NEAT1: variants seen among roughly 807,000 people sequenced by gnomAD.
NEAT1 encodes the protein MENepsilon/beta.
At chr11:65,423,316 T>G (rs1856519921) in exon 1 of NEAT1, 1 of 152,440 alleles carries the variant, frequency 6.6e-6, no homozygotes, top group African/African-American at 2.4e-5. Flanking sequence ...TGAACCCGCC[T>G]GGGGATGAGG....
exon 1 of NEAT1, chr11:65,427,397 C>T (rs1856571947): frequency 6.6e-6 from 1 of 152,386 alleles, no homozygotes; most frequent in Non-Finnish European, 1.5e-5. Context: ...GGGGGACCAA[C>T]ACAAATGGTG....
exon 1 of NEAT1, chr11:65,428,915 G>C (rs1309287034): frequency 2.0e-5 from 3 of 151,996 alleles, no homozygotes; most frequent in Non-Finnish European, 2.9e-5. Flanking sequence ...AGTAACAATT[G>C]TTATGGGCAC....
chr11:65,432,699 T>A (rs1856623531), exon 1 of NEAT1: 1 of 151,194 alleles, frequency 6.6e-6, no homozygotes, highest in African/African-American at 2.4e-5. Context: ...TTTTTTTTTT[T>A]AATTTCAATG....
exon 1 of NEAT1, chr11:65,442,113 CCA>C (rs1856719955): frequency 6.6e-6 from 1 of 152,010 alleles, no homozygotes; most frequent in Admixed American, 6.6e-5. Context: ...TTGCCTCATT[CCA>C]CAGAGTTTTG....
chr11:65,430,474 A>G (rs1007143072), exon 1 of NEAT1: 2 of 152,212 alleles, frequency 1.3e-5, no homozygotes, highest in Non-Finnish European at 2.9e-5. Context: ...AGGAAGTCCC[A>G]TGGATGGGTT....
exon 1 of NEAT1, chr11:65,436,863 T>A (rs1211674659): frequency 5.3e-5 from 8 of 152,106 alleles, no homozygotes; most frequent in Non-Finnish European, 1.2e-4. Flanking sequence ...GAGAGAAAAG[T>A]TTCCTCAGGA....
exon 1 of NEAT1, chr11:65,434,392 A>T (rs1269131022): frequency 6.6e-6 from 1 of 152,010 alleles, no homozygotes; most frequent in East Asian, 1.9e-4. Context: ...TGTATCTGAA[A>T]AACGTGTTGC....
chr11:65,427,753 C>G (rs1023519133), exon 1 of NEAT1: 1 of 152,206 alleles, frequency 6.6e-6, no homozygotes, highest in Non-Finnish European at 1.5e-5. Flanking sequence ...CTATAACCGC[C>G]TTCTCTTCTT....
exon 1 of NEAT1, chr11:65,430,046 G>C (rs1038052806): frequency 1.3e-5 from 2 of 152,240 alleles, no homozygotes; most frequent in African/African-American, 4.8e-5. Flanking sequence ...GACCTAATAG[G>C]GCACTGGAGC....
exon 1 of NEAT1, chr11:65,441,361 T>C (rs1590676028): frequency 6.6e-6 from 1 of 152,162 alleles, no homozygotes; most frequent in Non-Finnish European, 1.5e-5. Flanking sequence ...GTGGGGTCTT[T>C]CTGTGTTGCC....
chr11:65,437,229 A>G (rs1362948296), exon 1 of NEAT1: 3 of 138,584 alleles, frequency 2.2e-5, no homozygotes, highest in African/African-American at 6.0e-5. Context: ...ATATATATAC[A>G]TATATATATA....
chr11:65,443,494 T>C (rs372619665), exon 1 of NEAT1: 11 of 152,352 alleles, frequency 7.2e-5, no homozygotes, highest in African/African-American at 2.4e-4. Context: ...ACTGTTGTGA[T>C]TGGTAGTTAC....
exon 1 of NEAT1, chr11:65,425,762 C>T (rs1856554865): frequency 6.6e-6 from 1 of 151,778 alleles, no homozygotes; most frequent in South Asian, 2.1e-4. Flanking sequence ...CATCTGTTGT[C>T]TTTTCTGTGT....
chr11:65,441,060 T>G (rs1856710011), exon 1 of NEAT1: 1 of 151,964 alleles, frequency 6.6e-6, no homozygotes, highest in African/African-American at 2.4e-5. Context: ...CCAAATTTCT[T>G]AAATTCATGA....
exon 1 of NEAT1, chr11:65,431,955 T>G (rs1286716497): frequency 1.3e-5 from 2 of 152,200 alleles, no homozygotes; most frequent in Non-Finnish European, 2.9e-5. Context: ...ACTTTTGTGG[T>G]CTGTGCTTTT....
exon 1 of NEAT1, chr11:65,435,725 T>C (rs1231911078): frequency 6.6e-6 from 1 of 152,156 alleles, no homozygotes; most frequent in African/African-American, 2.4e-5. Context: ...CCTCTCCTCA[T>C]GTGCCGTGGA....
chr11:65,426,765 A>C (rs967443473), exon 1 of NEAT1: 3 of 152,160 alleles, frequency 2.0e-5, no homozygotes, highest in African/African-American at 7.2e-5. Context: ...CATTGGTTTG[A>C]AATGTGATGA....
chr11:65,443,378 G>C (rs1265072413), exon 1 of NEAT1: 1 of 152,208 alleles, frequency 6.6e-6, no homozygotes, highest in African/African-American at 2.4e-5. Context: ...CTGTCTTCTT[G>C]TTTGCACTGG....
At chr11:65,426,016 C>T (rs894686027) in exon 1 of NEAT1, 6 of 151,968 alleles carry the variant, frequency 3.9e-5, no homozygotes, top group Admixed American at 3.9e-4. Context: ...AAAACAAGAC[C>T]TAAAAAGGGA....
Sources: gnomAD v4.1 joint callset for allele counts on GRCh38, gnomAD v4.1.1 for gene constraint, MANE v1.5 for transcripts, NCBI Gene and HGNC (gene_info 2026-07-23, HGNC 2026-07-21) for gene names.